Variants in AKAP8 observed in about 807,000 individuals in gnomAD.
AKAP8 encodes A-kinase anchor protein 8.
AKAP8 carries 24 observed loss-of-function variants against 67.5 expected under a neutral mutation model. That is an observed-to-expected ratio of 0.36 (90% CI 0.26 to 0.50). AKAP8 has a LOEUF of 0.50. Among genes scored for constraint, AKAP8 ranks in the 20% least tolerant of loss-of-function variants. The pLI is 0.97. For synonymous variants in AKAP8, 400 were observed against 371.1 expected, an observed-to-expected ratio of 1.08 and a Z score of -0.90; for missense variants, 971 against 955.9, an observed-to-expected ratio of 1.02 and a Z score of -0.21.
rs144668817 is a variant in AKAP8, at chr19:15,370,139, T to G, written c.1072+7A>C. 2,154 of 1,614,160 alleles carry G rather than the reference T, an allele frequency of 1.3e-3. 47 individuals are homozygous for G. In the East Asian group the frequency reaches 0.04, roughly 30 times the overall value. On this transcript the variant is annotated splice_region_variant and intron_variant, in intron 8 of 13. Coordinates refer to ENST00000269701, the MANE Select transcript of AKAP8 (RefSeq NM_005858.4). ...AGGAAAGCTGCAAGGGACACGGTGA[T>G]GCCTACCTCTTTGCCTCCCAGAGTC...
Position 15,374,595 on chromosome 19 carries a change from G to A in AKAP8, c.91+8C>T. 6.2e-7 allele frequency: 1 copy of A among 1,609,332 alleles called. No homozygotes were observed. Among genetic ancestry groups the A allele is most frequent in the Non-Finnish European group, 8.5e-7 (1 of 1,176,782 alleles). On this transcript the variant is annotated splice_region_variant and intron_variant, in intron 3 of 13. Transcript: ENST00000269701. ...CCGCCCACAGACCCCCCCCACAGAA[G>A]GGCTTACCTTGCCAGCTGGCCACAC...
chr19:15,374,009 T>G lies in AKAP8; in HGVS notation c.148A>C (p.Thr50Pro), dbSNP rs1040875337. The change falls in exon 4 of 14, where the codon ACC (threonine) becomes CCC (proline). Residue 50 changes from threonine to proline, a missense_variant. Thr to Pro is a conservative substitution (Grantham distance 38, BLOSUM62 -1). Around this residue, in one of 3 missense-constraint regions of AKAP8, gnomAD observed 763 missense variants for 745.4 expected, o/e 1.02. Transcript: ENST00000269701. Reference sequence around the variant, plus strand: ...CACGAGGCTGGGCCGTAGCTGTAGGTTGCGCCTGTGGTGACACTGGTGTTC... The same window carrying G: ...CACGAGGCTGGGCCGTAGCTGTAGGGTGCGCCTGTGGTGACACTGGTGTTC... The part of the protein sequence containing the change: ...AQNTSVTTGA[T>P]YSYGPASWEA... The G allele has an allele frequency of 1.2e-6, 2 of 1,607,034 alleles. No individual in the cohort carries two copies. Among genetic ancestry groups the G allele is most frequent in the African/African-American group, 1.3e-5 (1 of 74,314 alleles).
Position 15,355,215 on chromosome 19 carries a change from T to A in AKAP8, c.1779A>T (p.Gly593=). 6.2e-7 allele frequency: 1 copy of A among 1,611,360 alleles called. No individual in the cohort carries two copies. ...CCCCGCTGCTCTCTGGAGCGGGCGC[T>A]CCTTCCCCATCTACGGCCCTCACTG... ...TAAVRAVDGE[G]APAPESSGEP... The change falls in exon 14 of 14, where the codon GGA becomes GGT. Residue 593 remains glycine, a synonymous_variant. Transcript: ENST00000269701.
At chr19:15,358,841 A>T in intron 13 of AKAP8, 126 bp downstream of exon 13, 1 of 828,298 alleles carries the variant, frequency 1.2e-6, no homozygotes, top group Non-Finnish European at 2.0e-6. Context: ...GATGCATTCC[A>T]GTGTCCCTCA....
chr19:15,356,840 C>T (rs974005460), intron 13 of AKAP8, among the ~76,000 whole-genome samples: 1 of 151,788 alleles, frequency 6.6e-6, no homozygotes, highest in Non-Finnish European at 1.5e-5. Flanking sequence ...AAAAAATTAG[C>T]CAGCATGTGG....
At chr19:15,379,465 C>A (rs1967330814) in intron 1 of AKAP8, 3 of 462,752 alleles carry the variant, frequency 6.5e-6, no homozygotes, top group Non-Finnish European at 1.1e-5. Context: ...CCCACCGCGG[C>A]GTCTGCCCCA....
chr19:15,358,847 C>T, intron 13 of AKAP8, 120 bp downstream of exon 13: 1 of 880,614 alleles, frequency 1.1e-6, no homozygotes, highest in Middle Eastern at 2.1e-4. Context: ...TTCCAGTGTC[C>T]CTCAACTGTC....
At chr19:15,370,018 T>C in intron 8 of AKAP8, 128 bp downstream of exon 8, 3 of 1,141,014 alleles carry the variant, frequency 2.6e-6, no homozygotes, top group African/African-American at 1.5e-5. Context: ...ATCTGGTGGC[T>C]GCAGCCCCTC....
At chr19:15,370,330 A>T (rs1188616771) in intron 7 of AKAP8, 151 bp from the exon 8 acceptor site, 4 of 814,734 alleles carry the variant, frequency 4.9e-6, no homozygotes, top group Non-Finnish European at 8.1e-6. Context: ...TGTTAGGACC[A>T]GCCTCCGGGG....
In AKAP8 at chr19:15,362,568, C is replaced by T. The variant is rs543529401; in HGVS notation, c.1161-317G>A. Among the ~76,000 whole-genome samples the T allele has an allele frequency of 1.7e-3, 254 of 148,398 alleles. 3 individuals carry two copies. The highest frequency in any genetic ancestry group is 6.0e-3 in the African/African-American group (242 of 40,568). On this transcript the variant is annotated intron_variant, in intron 9 of 13. Coordinates refer to ENST00000269701, the MANE Select transcript of AKAP8 (RefSeq NM_005858.4). ...GGAGACGGGGTTTCGCTGTGTTGGC[C>T]GGGCTGGTCTCCAGCTCCTAACCGC...
rs1288246971 is a variant in AKAP8 at position 15,369,753 on chromosome 19, G to A, written c.1072+393C>T. Among the ~76,000 whole-genome samples, 1 of 152,234 alleles carries A rather than the reference G, an allele frequency of 6.6e-6. No individual in the cohort carries two copies. The highest frequency in any genetic ancestry group is 1.5e-5 in the Non-Finnish European group (1 of 68,036). Reference sequence around the variant, plus strand: ...GCACAGCCCAGGGCAGGCGACTGAAGGAACTGGACAAAAGGAAGCCCCAGA... The same window carrying A: ...GCACAGCCCAGGGCAGGCGACTGAAAGAACTGGACAAAAGGAAGCCCCAGA... On this transcript the variant is annotated intron_variant, in intron 8 of 13. Coordinates refer to ENST00000269701, the MANE Select transcript of AKAP8 (RefSeq NM_005858.4). This position sits in a 1 kb window ranked among gnomAD's most constrained non-coding sequence, Gnocchi z 4.6.
chr19:15,355,550 G>C (rs531481004), intron 13 of AKAP8, among the ~76,000 whole-genome samples, 180 bp from the exon 14 acceptor site: 4 of 133,348 alleles, frequency 3.0e-5, no homozygotes, highest in African/African-American at 1.1e-4. Flanking sequence ...ACCTCGGGGA[G>C]ATATTCTGCA....
chr19:15,366,836 C>T (rs1242049745), intron 9 of AKAP8, among the ~76,000 whole-genome samples: 3 of 152,092 alleles, frequency 2.0e-5, no homozygotes, highest in Non-Finnish European at 4.4e-5. Context: ...CTCGAACTCC[C>T]AACCTCAGGT....
chr19:15,356,116 T>A (rs549841387), intron 13 of AKAP8, among the ~76,000 whole-genome samples: 1 of 151,930 alleles, frequency 6.6e-6, no homozygotes, highest in African/African-American at 2.4e-5. Context: ...AAAAAGGGCA[T>A]GAGGCCGGGC....
chr19:15,373,322 C>G lies in AKAP8; in HGVS notation c.390G>C (p.Pro130=). Residue 130 remains proline, a synonymous_variant, in exon 5 of 14, where the codon CCG becomes CCC. Transcript: ENST00000269701. ...AGGGCCTGGAGTCATAGGACTCGAA[C>G]GGCTGGAAGCGGAAGGAGCTGCAAC... is the stretch of plus-strand genomic sequence containing the variant. ...QDRESSFRFQ[P]FESYDSRPCL... is the part of the protein sequence containing the mutation. 1 of 1,608,630 alleles carries G rather than the reference C, an allele frequency of 6.2e-7. No homozygotes were observed.
chr19:15,354,902 AG>A lies in AKAP8; in HGVS notation c.*12del. 6.2e-7 allele frequency: 1 copy of A among 1,611,560 alleles called. No homozygotes were observed. The highest frequency in any genetic ancestry group is 1.1e-5 in the South Asian group (1 of 91,066). The stretch of plus-strand genomic sequence containing the variant: ...ATCATCCCAACGCCTTCCCTGGAAC[AG>A]GGAAATGAGCATCATTCTGTGGGAA... On this transcript the variant is annotated 3_prime_UTR_variant, in exon 14 of 14. Transcript: ENST00000269701.
At position 15,354,491 on chromosome 19, in the gene AKAP8, CA is replaced by C. The variant is rs200717871; in HGVS notation, c.*423del. ...GTTAAAGGCTGAAGCTTGAAACATA[CA>C]AAAAAAAATCCTCTATAGAGCAAGA... On this transcript the variant is annotated 3_prime_UTR_variant, in exon 14 of 14. Transcript: ENST00000269701. 6.4e-3 allele frequency: 1,124 copies of C among 175,932 alleles called. 11 individuals are homozygous for C. Among genetic ancestry groups the C allele is most frequent in the African/African-American group, 0.025 (1,024 of 40,748 alleles). 10.9% of individuals were successfully genotyped at this position (175,932 alleles called of 1,614,324 possible). A position where few individuals can be genotyped will look rare whatever the true frequency, so the allele number is the denominator to read the frequency against.
chr19:15,366,832 C>A (rs1271424738), intron 9 of AKAP8, among the ~76,000 whole-genome samples: 4 of 152,152 alleles, frequency 2.6e-5, no homozygotes, highest in Admixed American at 2.6e-4. Context: ...TGGTCTCGAA[C>A]TCCCAACCTC....
chr19:15,361,724 C>T lies in AKAP8; in HGVS notation c.1396+5G>A. On this transcript the variant is annotated splice_donor_5th_base_variant and intron_variant, in intron 11 of 13. Transcript: ENST00000269701. ...GAAAGCACTCATCCTGGGATGACAACTCACCTTTGAAAGGATCTGGTTTTG... is the reference window on the plus strand; with the variant it reads ...GAAAGCACTCATCCTGGGATGACAATTCACCTTTGAAAGGATCTGGTTTTG... The T allele has an allele frequency of 6.2e-7, 1 of 1,609,132 alleles. No homozygotes were observed. The highest frequency in any genetic ancestry group is 1.1e-5 in the South Asian group (1 of 90,994).
Sources: gnomAD v4.1 joint callset for allele counts (sites outside exome capture counted in the v4.1 genomes callset) on GRCh38, gnomAD v4.1.1 for gene constraint, gnomAD v4.1.1 regional missense constraint, Gnocchi (gnomAD v3.1) non-coding constraint, MANE v1.5 for transcripts, NCBI Gene and HGNC (gene_info 2026-07-23, HGNC 2026-07-21) for gene names.